The following DPH7 variants were observed in gnomAD, a reference collection of about 807,000 sequenced individuals.
DPH7 encodes the protein diphthine methyltransferase.
DPH7 carries 44 observed loss-of-function variants against 41.7 expected under a neutral mutation model. The observed-to-expected ratio is 1.05, with a 90% CI of 0.83 to 1.36. The LOEUF is 1.36. Ranked by LOEUF, DPH7 falls within the 40% of genes most tolerant of loss-of-function variation. The pLI is 0.00. For synonymous variants in DPH7, 275 were observed against 238.0 expected (o/e 1.16, Z -1.43); for missense variants, 629 against 577.5 (o/e 1.09, Z -0.91).
chr9:137,557,143 A>G (rs1267560314), intron 8 of DPH7, among the ~76,000 whole-genome samples: 1 of 152,182 alleles, frequency 6.6e-6, no homozygotes, highest in Non-Finnish European at 1.5e-5. Flanking sequence ...TCCCGGCTCA[A>G]GCAATCCGCC....
At chr9:137,578,393 C>A in intron 1 of DPH7, 1 of 418,352 alleles carries the variant, frequency 2.4e-6, no homozygotes, top group Non-Finnish European at 4.2e-6. Context: ...GTCTCGATCT[C>A]CTGACCTCGT....
chr9:137,557,688 G>A (rs960578626), intron 8 of DPH7, among the ~76,000 whole-genome samples: 4 of 151,382 alleles, frequency 2.6e-5, no homozygotes, highest in East Asian at 2.0e-4. Context: ...GCATGATGGC[G>A]CATGCCTGTA....
intron 8 of DPH7, among the ~76,000 whole-genome samples, chr9:137,557,798 G>A (rs1052762474): frequency 2.0e-5 from 3 of 151,906 alleles, no homozygotes; most frequent in Admixed American, 6.6e-5. Context: ...CAGCCTGGGC[G>A]ACAGAGCAAG....
chr9:137,564,675 G>C, intron 7 of DPH7, 69 bp from the exon 8 acceptor site: 4 of 1,568,672 alleles, frequency 2.5e-6, no homozygotes, highest in Non-Finnish European at 3.5e-6. Context: ...AGGCCCCTGG[G>C]GGGCACAGAA....
In DPH7 at chr9:137,563,910, A is replaced by G. The variant is rs544455989; in HGVS notation, c.949+524T>C. Among the ~76,000 whole-genome samples, 21 of 152,354 alleles carry G rather than the reference A, an allele frequency of 1.4e-4. No homozygotes were observed. In the East Asian group the frequency reaches 3.7e-3, roughly 27 times the overall value. On this transcript the variant is annotated intron_variant, in intron 8 of 8. Coordinates refer to ENST00000277540, the MANE Select transcript of DPH7 (RefSeq NM_138778.5). ...TCACCAGGAATCCCAGGGACCTACT[A>G]GAACACAACGTGGACAGCTGATTCC...
At chr9:137,578,098 C>T in intron 1 of DPH7, 3 of 532,880 alleles carry the variant, frequency 5.6e-6, no homozygotes, top group South Asian at 1.6e-4. Context: ...CGGGAGGATG[C>T]CCTGAGCCCT....
chr9:137,572,147 G>A (rs758615608), intron 5 of DPH7, among the ~76,000 whole-genome samples: 1 of 152,338 alleles, frequency 6.6e-6, no homozygotes, highest in Non-Finnish European at 1.5e-5. Flanking sequence ...CCTGCCTGGG[G>A]TGGAAGGACA....
chr9:137,559,139 T>C (rs985920106), intron 8 of DPH7, among the ~76,000 whole-genome samples: 2 of 152,198 alleles, frequency 1.3e-5, no homozygotes, highest in Non-Finnish European at 2.9e-5. Context: ...TAATTACTCT[T>C]TATCCCAATA....
intron 5 of DPH7, among the ~76,000 whole-genome samples, chr9:137,570,309 A>C (rs1390129538): frequency 1.3e-5 from 2 of 152,248 alleles, no homozygotes; most frequent in African/African-American, 4.8e-5. Context: ...TTCTGTGGCA[A>C]ATTTGTACAG....
intron 8 of DPH7, among the ~76,000 whole-genome samples, chr9:137,563,547 A>G (rs994860859): frequency 1.3e-5 from 2 of 152,038 alleles, no homozygotes; most frequent in South Asian, 2.1e-4. Context: ...AAAAAAAAAA[A>G]AAGAGGAATA....
intron 5 of DPH7, among the ~76,000 whole-genome samples, chr9:137,571,568 G>A (rs763636206): frequency 5.3e-5 from 8 of 151,990 alleles, no homozygotes; most frequent in Non-Finnish European, 1.0e-4. Context: ...CAGGTAGATC[G>A]CTTGAGCCTA....
intron 1 of DPH7, chr9:137,578,233 C>T (rs1348474325): frequency 6.5e-6 from 1 of 153,424 alleles, no homozygotes; most frequent in Non-Finnish European, 1.4e-5. Context: ...GGTGCGATCT[C>T]GGCTCACTGC....
At chr9:137,564,858 G>A in intron 7 of DPH7, 35 bp downstream of exon 7, 11 of 1,573,602 alleles carry the variant, frequency 7.0e-6, no homozygotes, top group Non-Finnish European at 9.5e-6. Context: ...CAGCGAAAGA[G>A]ACGAGAAGGG....
At chr9:137,575,944 T>C (rs1841304727) in intron 3 of DPH7, 136 bp downstream of exon 3, 1 of 1,482,290 alleles carries the variant, frequency 6.7e-7, no homozygotes, top group Non-Finnish European at 8.9e-7. Context: ...GACTCCACAT[T>C]ATCTTAGAAC....
At chr9:137,575,790 A>G in intron 3 of DPH7, 1 of 1,221,820 alleles carries the variant, frequency 8.2e-7, no homozygotes. Flanking sequence ...TCAACCTAAG[A>G]ATGCTTGCCC....
chr9:137,562,433 T>G (rs757041008), intron 8 of DPH7, among the ~76,000 whole-genome samples: 1 of 151,978 alleles, frequency 6.6e-6, no homozygotes, highest in African/African-American at 2.4e-5. Context: ...AACATGTACA[T>G]TAAACAACAC....
intron 5 of DPH7, among the ~76,000 whole-genome samples, chr9:137,571,266 A>G (rs2133114741): frequency 6.6e-6 from 1 of 151,616 alleles, no homozygotes; most frequent in African/African-American, 2.4e-5. Flanking sequence ...GGCTCACTGC[A>G]ACCTCTGCCT....
chr9:137,564,789 A>G, intron 7 of DPH7, 104 bp downstream of exon 7: 4 of 1,450,240 alleles, frequency 2.8e-6, no homozygotes, highest in Non-Finnish European at 2.8e-6. Context: ...AAATGCTGCA[A>G]TGGTGCCAGG....
chr9:137,557,126 CT>C (rs1837649471), intron 8 of DPH7, among the ~76,000 whole-genome samples: 1 of 152,166 alleles, frequency 6.6e-6, no homozygotes, highest in African/African-American at 2.4e-5. Flanking sequence ...CCAGGCTAGT[CT>C]TGAACTCCCG....
Sources: gnomAD v4.1 joint callset for allele counts (sites outside exome capture counted in the v4.1 genomes callset) on GRCh38, gnomAD v4.1.1 for gene constraint, MANE v1.5 for transcripts, NCBI Gene and HGNC (gene_info 2026-07-23, HGNC 2026-07-21) for gene names.